Variants in ZNF136 observed in about 807,000 individuals in gnomAD.
The protein encoded by ZNF136 is zinc finger protein 136 (clone pHZ-20).
Under a neutral mutation model 11.4 loss-of-function variants are expected in ZNF136, and 8 were observed. The ratio of observed to expected loss-of-function variants is 0.70; its 90% confidence interval spans 0.41 to 1.27. The LOEUF is 1.27. Ranked by LOEUF, ZNF136 falls within the 50% of genes most tolerant of loss-of-function variation. The pLI, the probability that ZNF136 is intolerant of heterozygous loss-of-function variation, is 0.01. For missense variants in ZNF136, 590 were observed against 656.5 expected (o/e 0.90, Z 1.11); for synonymous variants, 190 against 207.1 (o/e 0.92, Z 0.71).
intron 1 of ZNF136, among the ~76,000 whole-genome samples, chr19:12,169,817 C>T (rs1196235838): frequency 6.6e-6 from 1 of 150,884 alleles, no homozygotes; most frequent in East Asian, 1.9e-4. Context: ...TTTTTTGAGA[C>T]AGAGTCTCTC....
At position 12,188,200 on chromosome 19, in the gene ZNF136, A is replaced by G. The variant is rs1481068379; in HGVS notation, c.*199A>G. On this transcript the variant is annotated 3_prime_UTR_variant, in exon 4 of 4. Coordinates refer to ENST00000343979, the MANE Select transcript of ZNF136 (RefSeq NM_003437.5). ...TCCTTTCAAATACATGAAAGAACTC[A>G]TCATGGAGAAAACCAAACAAATGCT... is the stretch of plus-strand genomic sequence containing the variant. 3 of 437,660 alleles carry G rather than the reference A, an allele frequency of 6.9e-6. No homozygotes were observed. Among genetic ancestry groups the G allele is most frequent in the Non-Finnish European group, 1.2e-5 (3 of 255,232 alleles). 27.1% of individuals were successfully genotyped at this position (437,660 alleles called of 1,614,324 possible). A position where few individuals can be genotyped will look rare whatever the true frequency, so the allele number is the denominator to read the frequency against.
intron 1 of ZNF136, among the ~76,000 whole-genome samples, chr19:12,182,749 A>G (rs1206089995): frequency 6.6e-6 from 1 of 152,010 alleles, no homozygotes; most frequent in East Asian, 1.9e-4. Context: ...GCACTTAGGC[A>G]TGGGGGTGGG....
At chr19:12,179,180 T>C (rs1365549602) in intron 1 of ZNF136, among the ~76,000 whole-genome samples, 1 of 152,098 alleles carries the variant, frequency 6.6e-6, no homozygotes, top group East Asian at 1.9e-4. Context: ...TTTAACCTTT[T>C]TCCAAAGATT....
At chr19:12,179,530 C>T (rs762016803) in intron 1 of ZNF136, among the ~76,000 whole-genome samples, 6 of 151,956 alleles carry the variant, frequency 3.9e-5, no homozygotes, top group Non-Finnish European at 7.4e-5. Context: ...AGGGTGGTCT[C>T]GATCTCCTGA....
intron 1 of ZNF136, among the ~76,000 whole-genome samples, chr19:12,171,905 T>TG (rs1914662894): frequency 6.6e-6 from 1 of 151,838 alleles, no homozygotes; most frequent in Admixed American, 6.6e-5. Flanking sequence ...ACTGTCAAGT[T>TG]GGAAAAAAAA....
intron 1 of ZNF136, among the ~76,000 whole-genome samples, chr19:12,184,024 C>G (rs1219034749): frequency 1.4e-5 from 2 of 146,750 alleles, no homozygotes; most frequent in East Asian, 2.0e-4. Flanking sequence ...CCCAGCACTT[C>G]GGGAGGCCAA....
chr19:12,173,778 T>C (rs1420987342), intron 1 of ZNF136, among the ~76,000 whole-genome samples: 1 of 152,176 alleles, frequency 6.6e-6, no homozygotes, highest in Non-Finnish European at 1.5e-5. Flanking sequence ...GTCGGATGTG[T>C]GGGGTCAGTC....
At chr19:12,172,997 C>A (rs1246847063) in intron 1 of ZNF136, among the ~76,000 whole-genome samples, 2 of 151,932 alleles carry the variant, frequency 1.3e-5, no homozygotes, top group East Asian at 1.9e-4. Flanking sequence ...GGCGACAGAG[C>A]CAGACTCCAT....
intron 1 of ZNF136, among the ~76,000 whole-genome samples, chr19:12,166,118 CTCAGGAGGCTGAGGCAGGAGAA>C (rs1977182978): frequency 6.6e-6 from 1 of 151,820 alleles, no homozygotes. Context: ...ATCCCAGGTA[CTCAGGAGGCTGAGGCAGGAGAA>C]TCACTTGAAC....
chr19:12,175,396 T>C (rs1449850109), intron 1 of ZNF136, among the ~76,000 whole-genome samples: 2 of 152,122 alleles, frequency 1.3e-5, no homozygotes, highest in Admixed American at 6.6e-5. Context: ...GGTTTTGCCA[T>C]GTTGGCCAGG....
At position 12,175,298 on chromosome 19, in the gene ZNF136, G is replaced by C. The variant is rs545617190; in HGVS notation, c.4-10487G>C. 1.1e-4 allele frequency among the ~76,000 whole-genome samples: 16 copies of C among 151,474 alleles called. No homozygotes were observed. In the South Asian group the frequency reaches 3.3e-3, roughly 32 times the overall value. ...CAACCTCCACCTCCTGGGCTGAAAC[G>C]ATTCTCCTGCCTCAGCTTCCTGAGT... On this transcript the variant is annotated intron_variant, in intron 1 of 3. Coordinates refer to ENST00000343979, the MANE Select transcript of ZNF136 (RefSeq NM_003437.5).
Position 12,168,057 on chromosome 19 carries a change from C to CTTTTTTTTTTTTTTTTTTT in ZNF136, c.3+4863_3+4881dup, listed in dbSNP as rs386388563. Among the ~76,000 whole-genome samples, 27 of 71,104 alleles carry CTTTTTTTTTTTTTTTTTTT rather than the reference C, an allele frequency of 3.8e-4. 8 individuals carry two copies. The highest frequency in any genetic ancestry group is 4.6e-4 in the Admixed American group (2 of 4,386). The allele number at this position is 71,104 out of a possible 152,430, so 46.6% of individuals were successfully genotyped here. A position where few individuals can be genotyped will look rare whatever the true frequency, so the allele number is the denominator to read the frequency against. ...GCCCATTTTTTTTTCTTTTCTTTTT[C>CTTTTTTTTTTTTTTTTTTT]TTTTTTTTTTTTTTTTTTTTTTTTT... On this transcript the variant is annotated intron_variant, in intron 1 of 3. Transcript: ENST00000343979.
rs1178650998 is a variant in ZNF136, at chr19:12,187,351, C to G, written c.973C>G (p.Leu325Val). 5.6e-6 allele frequency: 9 copies of G among 1,612,996 alleles called. No individual in the cohort carries two copies. Among genetic ancestry groups the G allele is most frequent in the Non-Finnish European group, 6.8e-6 (8 of 1,179,738 alleles). ...KAFSYLPSLRLHERIHTGEKP... is the reference protein window; with the variant it reads ...KAFSYLPSLRVHERIHTGEKP... Reference sequence around the variant, plus strand: ...CTTCAGTTATCTCCCCTCCCTTCGACTACATGAAAGAATTCACACTGGTGA... The same window carrying G: ...CTTCAGTTATCTCCCCTCCCTTCGAGTACATGAAAGAATTCACACTGGTGA... Residue 325 changes from leucine to valine, a missense_variant, in exon 4 of 4, where the codon CTA (leucine) becomes GTA (valine). Coordinates refer to ENST00000343979, the MANE Select transcript of ZNF136 (RefSeq NM_003437.5).
At chr19:12,175,569 C>A (rs1304020222) in intron 1 of ZNF136, among the ~76,000 whole-genome samples, 6 of 152,120 alleles carry the variant, frequency 3.9e-5, no homozygotes, top group African/African-American at 1.4e-4. Flanking sequence ...CCTTATGCCC[C>A]CTATTCCCAC....
At position 12,187,750 on chromosome 19, in the gene ZNF136, A is replaced by G. The variant is rs375511430; in HGVS notation, c.1372A>G (p.Ser458Gly). The G allele has an allele frequency of 9.3e-6, 15 of 1,613,330 alleles. No individual in the cohort carries two copies. The highest frequency in any genetic ancestry group is 9.3e-6 in the Non-Finnish European group (11 of 1,179,870). The change falls in exon 4 of 4, where the codon AGT becomes GGT. Residue 458 changes from serine (S) to glycine (G), a missense_variant. Transcript: ENST00000343979. ...YECKQCGKAF[S>G]YLNSFRTHEM... ...GTGTAAGCAATGTGGGAAAGCCTTC[A>G]GTTATCTCAACTCCTTTCGAACACA...
At chr19:12,172,944 G>A (rs1914698302) in intron 1 of ZNF136, among the ~76,000 whole-genome samples, 1 of 152,080 alleles carries the variant, frequency 6.6e-6, no homozygotes, top group Non-Finnish European at 1.5e-5. Flanking sequence ...CCAGGGAGTC[G>A]GAGGTTGCAG....
In ZNF136 at chr19:12,163,130, G is replaced by T. The variant is rs1333602180; in HGVS notation, c.-74G>T. ...AGAGGCCCAGAGTGGCTCGCCTGGA[G>T]TCTCTGTGGCGCGGTTTCCTGTACC... is the stretch of plus-strand genomic sequence containing the variant. On this transcript the variant is annotated 5_prime_UTR_variant, in exon 1 of 4. Transcript: ENST00000343979. The T allele has an allele frequency of 1.4e-6, 2 of 1,386,266 alleles. No individual in the cohort carries two copies. The highest frequency in any genetic ancestry group is 2.9e-5 in the Admixed American group (1 of 34,424). The allele number at this position is 1,386,266 out of a possible 1,614,324, so 85.9% of individuals were successfully genotyped here. A position where few individuals can be genotyped will look rare whatever the true frequency, so the allele number is the denominator to read the frequency against.
chr19:12,165,517 A>G (rs995324433), intron 1 of ZNF136, among the ~76,000 whole-genome samples: 1 of 152,108 alleles, frequency 6.6e-6, no homozygotes, highest in Non-Finnish European at 1.5e-5. Context: ...AAAAATTCTT[A>G]TTTTCAACGG....
intron 1 of ZNF136, among the ~76,000 whole-genome samples, chr19:12,181,958 G>A (rs1914954447): frequency 6.6e-6 from 1 of 151,992 alleles, no homozygotes; most frequent in African/African-American, 2.4e-5. Flanking sequence ...TTTTAGTAGA[G>A]ATGGGGTCTC....
Sources: gnomAD v4.1 joint callset for allele counts (sites outside exome capture counted in the v4.1 genomes callset) on GRCh38, gnomAD v4.1.1 for gene constraint, MANE v1.5 for transcripts, NCBI Gene and HGNC (gene_info 2026-07-23, HGNC 2026-07-21) for gene names.